The following ME3 variants were observed in gnomAD, a reference collection of about 807,000 sequenced individuals.
ME3 encodes malic enzyme 3, also known as NADP-dependent malic enzyme, mitochondrial.
In ME3, 48 loss-of-function variants were observed where a neutral mutation model predicts 68.9. That is an observed-to-expected ratio of 0.70 (90% confidence interval 0.55 to 0.89). The LOEUF is 0.89. Ranked by LOEUF, ME3 falls within the 40% of genes least tolerant of loss-of-function variation. ME3 has a pLI of 0.00. For missense variants in ME3, 675 were observed against 797.4 expected (o/e 0.85, Z 1.85); for synonymous variants, 320 against 318.8 (o/e 1.00, Z -0.04).
At chr11:86,649,235 T>C (rs984391337) in intron 2 of ME3, among the ~76,000 whole-genome samples, 1 of 152,194 alleles carries the variant, frequency 6.6e-6, no homozygotes, top group Admixed American at 6.5e-5. Context: ...TCTCAATAGA[T>C]GCAGAAAAGT....
At chr11:86,595,696 C>G (rs1959328999) in intron 2 of ME3, among the ~76,000 whole-genome samples, 1 of 152,168 alleles carries the variant, frequency 6.6e-6, no homozygotes, top group South Asian at 2.1e-4. Context: ...CTGCCTGACT[C>G]CAGGCCCTCA....
At chr11:86,493,930 G>A (rs535967977) in intron 6 of ME3, among the ~76,000 whole-genome samples, 10 of 152,114 alleles carry the variant, frequency 6.6e-5, no homozygotes, top group African/African-American at 2.4e-4. Flanking sequence ...CATCCTCCCT[G>A]CACGGACATG....
At chr11:86,580,429 A>T (rs963702392) in intron 2 of ME3, among the ~76,000 whole-genome samples, 1 of 152,208 alleles carries the variant, frequency 6.6e-6, no homozygotes, top group African/African-American at 2.4e-5. Context: ...CTTGTTCTAA[A>T]TTAATGCTGA....
chr11:86,595,242 C>T (rs1375377123), intron 2 of ME3, among the ~76,000 whole-genome samples: 1 of 141,502 alleles, frequency 7.1e-6, no homozygotes, highest in Non-Finnish European at 1.5e-5. Flanking sequence ...GATTGTTTAT[C>T]ACATGTTAGA....
At chr11:86,560,736 G>A (rs1199522408) in intron 2 of ME3, among the ~76,000 whole-genome samples, 19 of 53,772 alleles carry the variant, frequency 3.5e-4, no homozygotes, top group Non-Finnish European at 6.0e-4. Flanking sequence ...ATGTGTGTGT[G>A]TGTGTGTGTG....
chr11:86,603,284 C>G, intron 2 of ME3, among the ~76,000 whole-genome samples: 1 of 152,010 alleles, frequency 6.6e-6, no homozygotes, highest in Non-Finnish European at 1.5e-5. Context: ...AAAAAGTGGG[C>G]AAAGGATATG....
intron 3 of ME3, among the ~76,000 whole-genome samples, chr11:86,558,643 G>A (rs1565950415): frequency 6.6e-6 from 1 of 152,142 alleles, no homozygotes; most frequent in South Asian, 2.1e-4. Context: ...AGATAGAACT[G>A]GCCAAGTTCT....
intron 2 of ME3, among the ~76,000 whole-genome samples, chr11:86,628,552 A>G (rs1817392250): frequency 6.6e-6 from 1 of 152,342 alleles, no homozygotes; most frequent in Non-Finnish European, 1.5e-5. Context: ...AAATGACTGT[A>G]AAGTGCAGTC....
rs775768095 is a variant in ME3, at chr11:86,595,292, C to CATATATATATAT, written c.184-35481_184-35470dup. ...TCTATTTTACATATATATACATATACATATATATATATATAGAGAGAGAGA... is the reference window on the plus strand; with the variant it reads ...TCTATTTTACATATATATACATATACATATATATATATATATATATATATATAGAGAGAGAGA... On this transcript the variant is annotated intron_variant, in intron 2 of 14. Transcript: ENST00000543262. Among the ~76,000 whole-genome samples, 129 of 124,242 alleles carry CATATATATATAT rather than the reference C, an allele frequency of 1.0e-3. 7 individuals are homozygous for CATATATATATAT. The highest frequency in any genetic ancestry group is 4.4e-3 in the Middle Eastern group (1 of 228). The allele number at this position is 124,242 out of a possible 152,430, so 81.5% of individuals were successfully genotyped here.
chr11:86,621,263 C>G (rs1050241140), intron 2 of ME3, among the ~76,000 whole-genome samples: 4 of 152,198 alleles, frequency 2.6e-5, no homozygotes, highest in Admixed American at 1.3e-4. Flanking sequence ...TCACTATTTT[C>G]AACAATTTCA....
At position 86,595,304 on chromosome 11, in the gene ME3, TATAGAGAGAGAG is replaced by T. The variant is rs1480789892; in HGVS notation, c.184-35493_184-35482del. On this transcript the variant is annotated intron_variant, in intron 2 of 14. Coordinates refer to ENST00000543262, the Ensembl canonical transcript of ME3. ...ATATATACATATACATATATATATA[TATAGAGAGAGAG>T]AGAGAGAGAGAGAGAGCTTATTATG... Among the ~76,000 whole-genome samples, 5 of 94,600 alleles carry T rather than the reference TATAGAGAGAGAG, an allele frequency of 5.3e-5. 1 individual carries two copies. Among genetic ancestry groups the T allele is most frequent in the African/African-American group, 1.8e-4 (4 of 22,596 alleles). The allele number at this position is 94,600 out of a possible 152,430, so 62.1% of individuals were successfully genotyped here. A position where few individuals can be genotyped will look rare whatever the true frequency, so the allele number is the denominator to read the frequency against.
intron 2 of ME3, among the ~76,000 whole-genome samples, chr11:86,585,218 G>C (rs1400312853): frequency 6.6e-6 from 1 of 152,180 alleles, no homozygotes; most frequent in Admixed American, 6.5e-5. Flanking sequence ...AACAGAAGAG[G>C]CATAATTAAA....
At chr11:86,556,741 G>A in intron 3 of ME3, 39 bp from the exon 4 acceptor site, 1 of 1,603,902 alleles carries the variant, frequency 6.2e-7, no homozygotes, top group Non-Finnish European at 8.5e-7. Flanking sequence ...ACATGTGGTA[G>A]CAGCAGGCCC....
At chr11:86,435,241 T>G in the ME3 span, 2 of 152,244 alleles carry the variant, frequency 1.3e-5, no homozygotes, top group Non-Finnish European at 2.9e-5. Context: ...TCTGTAATTT[T>G]GAAAATCTCT....
intron 2 of ME3, chr11:86,668,115 C>G (rs1263799591): frequency 6.6e-6 from 1 of 152,018 alleles, no homozygotes; most frequent in Non-Finnish European, 1.5e-5. Flanking sequence ...CTAAATCAGT[C>G]TATGCAGTTG....
At chr11:86,629,007 A>G (rs1943839769) in intron 2 of ME3, among the ~76,000 whole-genome samples, 1 of 152,246 alleles carries the variant, frequency 6.6e-6, no homozygotes, top group Admixed American at 6.5e-5. Flanking sequence ...ACAGTCTTGC[A>G]TTAACAATTC....
At chr11:86,567,901 G>C (rs561183133) in intron 2 of ME3, among the ~76,000 whole-genome samples, 1 of 152,124 alleles carries the variant, frequency 6.6e-6, no homozygotes, top group African/African-American at 2.4e-5. Flanking sequence ...TTTGCTAATC[G>C]GCACTCAGAT....
intron 2 of ME3, among the ~76,000 whole-genome samples, chr11:86,560,748 G>GTGTATGTGTGTATATATATA (rs1243025217): frequency 3.2e-5 from 2 of 62,530 alleles, no homozygotes; most frequent in Admixed American, 2.1e-4. Flanking sequence ...GTGTGTGTGT[G>GTGTATGTGTGTATATATATA]TATATATATA....
chr11:86,482,244 C>T (rs1294488788), intron 7 of ME3, among the ~76,000 whole-genome samples: 2 of 152,030 alleles, frequency 1.3e-5, no homozygotes, highest in Non-Finnish European at 2.9e-5. Flanking sequence ...AGTGTAGAGT[C>T]TCAGGTTATC....
Sources: allele counts gnomAD v4.1 joint callset (sites outside exome capture counted in the v4.1 genomes callset), GRCh38; gene constraint gnomAD v4.1.1; transcripts MANE v1.5; gene names NCBI Gene and HGNC (gene_info 2026-07-23, HGNC 2026-07-21).